The following ANGPTL1 variants were observed in gnomAD, a reference collection of about 807,000 sequenced individuals.
ANGPTL1 encodes the protein angiopoietin-related protein 1.
In ANGPTL1, 36 loss-of-function variants were observed where a neutral mutation model predicts 46.7. The ratio of observed to expected loss-of-function variants is 0.77; its 90% CI spans 0.59 to 1.02. The LOEUF is 1.02. Among genes scored for constraint, ANGPTL1 ranks in the 50% least tolerant of loss-of-function variants. The pLI is 0.00. For missense variants in ANGPTL1, 571 were observed against 594.7 expected (o/e 0.96, Z 0.41); for synonymous variants, 221 against 204.3 (o/e 1.08, Z -0.69).
intron 3 of ANGPTL1, among the ~76,000 whole-genome samples, chr1:178,859,122 C>G (rs566856126): frequency 1.3e-3 from 179 of 141,234 alleles, no homozygotes; most frequent in Non-Finnish European, 1.9e-3. Flanking sequence ...TATGTTTAAA[C>G]TGTATTTAGC....
chr1:178,859,123 T>C (rs935924000), intron 3 of ANGPTL1, among the ~76,000 whole-genome samples: 4 of 140,364 alleles, frequency 2.8e-5, no homozygotes, highest in African/African-American at 8.6e-5. Flanking sequence ...ATGTTTAAAC[T>C]GTATTTAGCA....
intron 3 of ANGPTL1, among the ~76,000 whole-genome samples, chr1:178,861,810 A>G (rs1658034286): frequency 6.6e-6 from 1 of 152,168 alleles, no homozygotes; most frequent in Non-Finnish European, 1.5e-5. Flanking sequence ...TTCTATACCC[A>G]GTGGGTCACT....
At chr1:178,861,055 A>G (rs925636842) in intron 3 of ANGPTL1, among the ~76,000 whole-genome samples, 1 of 152,224 alleles carries the variant, frequency 6.6e-6, no homozygotes, top group Admixed American at 6.5e-5. Context: ...AATCCAGTCC[A>G]GCACTCTCAT....
At chr1:178,852,661 A>G in intron 5 of ANGPTL1, 22 bp downstream of exon 5, 1 of 1,597,496 alleles carries the variant, frequency 6.3e-7, no homozygotes, top group South Asian at 1.1e-5. Flanking sequence ...TTCTACAAAG[A>G]ATGAAAGTTT....
intron 3 of ANGPTL1, among the ~76,000 whole-genome samples, chr1:178,855,296 CTTTT>C (rs71677302): frequency 7.4e-6 from 1 of 135,908 alleles, no homozygotes; most frequent in African/African-American, 2.6e-5. Flanking sequence ...AGGACAGAGA[CTTTT>C]TTTTTTTTTT....
intron 2 of ANGPTL1, among the ~76,000 whole-genome samples, chr1:178,866,443 G>C (rs752206272): frequency 1.3e-5 from 2 of 152,092 alleles, no homozygotes; most frequent in African/African-American, 2.4e-5. Flanking sequence ...TTAGTGACAG[G>C]TTTTAGAATG....
At chr1:178,862,562 C>T (rs1658099996) in intron 3 of ANGPTL1, among the ~76,000 whole-genome samples, 1 of 152,006 alleles carries the variant, frequency 6.6e-6, no homozygotes, top group Non-Finnish European at 1.5e-5. Context: ...CTGTAGGCGT[C>T]AACAAGGGCC....
intron 3 of ANGPTL1, among the ~76,000 whole-genome samples, chr1:178,858,240 G>A (rs1387036233): frequency 2.0e-5 from 3 of 151,924 alleles, no homozygotes; most frequent in South Asian, 2.1e-4. Flanking sequence ...GTTGATCCTA[G>A]CAGAAATATT....
chr1:178,855,672 C>A (rs911324204), intron 3 of ANGPTL1, among the ~76,000 whole-genome samples: 1 of 151,628 alleles, frequency 6.6e-6, no homozygotes, highest in African/African-American at 2.4e-5. Flanking sequence ...TCTTTGCATT[C>A]GTTATAAACA....
At position 178,865,726 on chromosome 1, in the gene ANGPTL1, G is replaced by A. The variant is rs1337604225; in HGVS notation, c.51C>T (p.Asp17=). ...ATTGTCCACCTCTGCAATGTCCAGT[G>A]TCCACTAGTAGGAAGAATAGCACAC... is the stretch of plus-strand genomic sequence containing the variant. ...TLGVLFFLLV[D]TGHCRGGQFK... The change falls in exon 3 of 6, where the codon GAC becomes GAT. Residue 17 remains aspartate, a synonymous_variant. Coordinates refer to ENST00000234816, the MANE Select transcript of ANGPTL1 (RefSeq NM_004673.4). 4 of 1,613,122 alleles carry A rather than the reference G, an allele frequency of 2.5e-6. No homozygotes were observed. In the Admixed American group the frequency reaches 6.7e-5, roughly 27 times the overall value.
chr1:178,852,325 G>A (rs569129497), intron 5 of ANGPTL1, among the ~76,000 whole-genome samples: 24 of 152,240 alleles, frequency 1.6e-4, no homozygotes, highest in South Asian at 8.3e-4. Context: ...TCCAAAGGGC[G>A]GGAACTTTGT....
intron 3 of ANGPTL1, among the ~76,000 whole-genome samples, chr1:178,854,331 A>G (rs930199907): frequency 7.9e-5 from 12 of 152,196 alleles, no homozygotes; most frequent in Admixed American, 4.6e-4. Flanking sequence ...TCAGTGGAAC[A>G]TACTAGTACC....
chr1:178,854,365 G>A (rs923209551), intron 3 of ANGPTL1, among the ~76,000 whole-genome samples: 14 of 152,094 alleles, frequency 9.2e-5, no homozygotes, highest in Non-Finnish European at 1.9e-4. Context: ...TGCAAATGGG[G>A]TCAGTCAAAT....
rs746052727 is a variant in ANGPTL1, at chr1:178,853,745, G to A, written c.866C>T (p.Ser289Leu). Residue 289 changes from serine (S) to leucine (L), a missense_variant, in exon 4 of 6, where the codon TCG (serine) becomes TTG (leucine). Coordinates refer to ENST00000234816, the MANE Select transcript of ANGPTL1 (RefSeq NM_004673.4). Reference sequence around the variant, plus strand: ...TTTAATCATATAAATCCCACTGACCGAATGCCCAGCTTCTTTTGCTTGCTG... The same window carrying A: ...TTTAATCATATAAATCCCACTGACCAAATGCCCAGCTTCTTTTGCTTGCTG... ...DCQQAKEAGHSVSGIYMIKPE... is the reference protein window; with the variant it reads ...DCQQAKEAGHLVSGIYMIKPE... The A allele has an allele frequency of 1.8e-5, 29 of 1,602,478 alleles. No individual in the cohort carries two copies. The highest frequency in any genetic ancestry group is 3.3e-4 in the Middle Eastern group (2 of 6,060).
intron 3 of ANGPTL1, among the ~76,000 whole-genome samples, chr1:178,863,087 A>G (rs983344661): frequency 6.6e-6 from 1 of 152,212 alleles, no homozygotes; most frequent in Non-Finnish European, 1.5e-5. Flanking sequence ...TCTTTCCCCT[A>G]AGATCACACA....
At position 178,853,770 on chromosome 1, in the gene ANGPTL1, G is replaced by A; in HGVS notation, c.841C>T (p.Gln281Ter). 1.2e-6 allele frequency: 2 copies of A among 1,604,002 alleles called. No homozygotes were observed. Among genetic ancestry groups the A allele is most frequent in the East Asian group, 4.5e-5 (2 of 44,384 alleles). Reference sequence around the variant, plus strand: ...GAATGCCCAGCTTCTTTTGCTTGCTGACAGTCTTTGAATGGTCCTATAATT... The same window carrying A: ...GAATGCCCAGCTTCTTTTGCTTGCTAACAGTCTTTGAATGGTCCTATAATT... ...FINEGPFKDC[Q>*]QAKEAGHSVS... Residue 281 changes from glutamine (Q) to a stop codon, truncating the protein, a stop_gained, in exon 4 of 6, where the codon CAG (glutamine) becomes TAG (stop). Transcript: ENST00000234816. LOFTEE classifies it high-confidence loss of function.
rs1658356557 is a variant in ANGPTL1 at position 178,865,659 on chromosome 1, T to G, written c.118A>C (p.Thr40Pro). 2 of 1,613,960 alleles carry G rather than the reference T, an allele frequency of 1.2e-6. No homozygotes were observed. Among genetic ancestry groups the G allele is most frequent in the South Asian group, 2.2e-5 (2 of 91,074 alleles). The change falls in exon 3 of 6, where the codon ACA becomes CCA. Residue 40 changes from threonine to proline, a missense_variant. Thr to Pro is a conservative substitution (Grantham distance 38). Coordinates refer to ENST00000234816, the MANE Select transcript of ANGPTL1 (RefSeq NM_004673.4). ...KINQRRYPRA[T>P]DGKEEAKKCA... ...TTCTTTGCTTCCTCTTTACCATCTG[T>G]GGCACGAGGGTATCTTCTCTGGTTT...
At chr1:178,853,127 TTTTG>T (rs576687398) in intron 4 of ANGPTL1, 174 bp from the exon 5 acceptor site, 116 of 985,348 alleles carry the variant, frequency 1.2e-4, no homozygotes, top group Admixed American at 6.8e-4. Context: ...GTCATTCTCT[TTTTG>T]TTTGTTTGTT....
intron 3 of ANGPTL1, among the ~76,000 whole-genome samples, chr1:178,853,988 T>C (rs1657362125): frequency 6.6e-6 from 1 of 152,090 alleles, no homozygotes; most frequent in Non-Finnish European, 1.5e-5. Context: ...TTTCATCTGT[T>C]CTTTTCTTTT....
Sources: allele counts gnomAD v4.1 joint callset (sites outside exome capture counted in the v4.1 genomes callset), GRCh38; gene constraint gnomAD v4.1.1; transcripts MANE v1.5; gene names NCBI Gene and HGNC (gene_info 2026-07-23, HGNC 2026-07-21).